The following ZFTRAF1 variants were observed in gnomAD, a reference collection of about 807,000 sequenced individuals.
ZFTRAF1 encodes the protein zinc finger TRAF-type and ring finger containing 1.
chr8:144,450,140 T>C, the ZFTRAF1 span: 1 of 511,954 alleles, frequency 2.0e-6, no homozygotes, highest in Admixed American at 3.2e-5. Flanking sequence ...CCGTCTCCTC[T>C]TCGGGTCAGC....
chr8:144,450,766 G>C, the ZFTRAF1 span: 1 of 696,074 alleles, frequency 1.4e-6, no homozygotes, highest in African/African-American at 1.8e-5. Flanking sequence ...GCCGGAACTG[G>C]ACCTCTGTGG....
At chr8:144,452,869 T>TTGG in the ZFTRAF1 span, among the ~76,000 whole-genome samples, 1 of 152,210 alleles carries the variant, frequency 6.6e-6, no homozygotes, top group Non-Finnish European at 1.5e-5. Context: ...TGCAGGAGAC[T>TTGG]TGGTGGCTGC....
chr8:144,461,544 G>C, the ZFTRAF1 span, among the ~76,000 whole-genome samples: 1 of 152,198 alleles, frequency 6.6e-6, no homozygotes, highest in Non-Finnish European at 1.5e-5. Context: ...CCGGCTCCTG[G>C]AGCACTGGCT....
At chr8:144,451,030 C>A in the ZFTRAF1 span, 1 of 463,482 alleles carries the variant, frequency 2.2e-6, no homozygotes. Context: ...TCAGGCCACA[C>A]CCCAGGCGTG....
chr8:144,460,938 A>T, the ZFTRAF1 span, among the ~76,000 whole-genome samples: 2 of 152,174 alleles, frequency 1.3e-5, no homozygotes, highest in South Asian at 4.1e-4. Flanking sequence ...AGCCAGGAAA[A>T]AGGAGCTGGA....
chr8:144,452,035 C>A, the ZFTRAF1 span: 2 of 404,434 alleles, frequency 4.9e-6, no homozygotes, highest in Middle Eastern at 6.9e-4. Flanking sequence ...TGGTTAGACC[C>A]TGACTGTCTT....
chr8:144,451,903 G>C, the ZFTRAF1 span: 2 of 246,538 alleles, frequency 8.1e-6, no homozygotes, highest in Non-Finnish European at 1.6e-5. Flanking sequence ...AGCCTTGAGA[G>C]GCCCATGGCC....
chr8:144,461,562 A>AAGCCT, the ZFTRAF1 span, among the ~76,000 whole-genome samples: 1 of 152,146 alleles, frequency 6.6e-6, no homozygotes. Flanking sequence ...GCTGCCTAGG[A>AAGCCT]AGCCTGGCCT....
At chr8:144,458,304 C>G in the ZFTRAF1 span, among the ~76,000 whole-genome samples, 1 of 152,254 alleles carries the variant, frequency 6.6e-6, no homozygotes, top group Non-Finnish European at 1.5e-5. Flanking sequence ...CTAAAAGTAA[C>G]TCAAATGATA....
At chr8:144,460,571 A>T in the ZFTRAF1 span, among the ~76,000 whole-genome samples, 1 of 152,148 alleles carries the variant, frequency 6.6e-6, no homozygotes, top group East Asian at 1.9e-4. Context: ...GGCTTGTTGG[A>T]GTCTCCCTCG....
the ZFTRAF1 span, chr8:144,462,367 G>GGCCGCCGCCGCC: frequency 4.2e-6 from 2 of 478,728 alleles, no homozygotes; most frequent in South Asian, 3.2e-5. Flanking sequence ...TCCCGCTGCC[G>GGCCGCCGCCGCC]GCCGCCGCCG....
At chr8:144,450,043 T>C in the ZFTRAF1 span, 10 of 348,022 alleles carry the variant, frequency 2.9e-5, no homozygotes, top group Non-Finnish European at 5.4e-5. Context: ...CACCGCCGCC[T>C]GACTGCACAG....
At chr8:144,450,791 G>A in the ZFTRAF1 span, 7 of 678,682 alleles carry the variant, frequency 1.0e-5, no homozygotes, top group African/African-American at 1.8e-5. Context: ...AGACAGGGCC[G>A]GAAAGAGCCG....
chr8:144,461,571 C>G, the ZFTRAF1 span, among the ~76,000 whole-genome samples: 1 of 152,148 alleles, frequency 6.6e-6, no homozygotes, highest in Non-Finnish European at 1.5e-5. Flanking sequence ...GAAGCCTGGC[C>G]TGGCCTGGGT....
At chr8:144,460,297 C>A in the ZFTRAF1 span, among the ~76,000 whole-genome samples, 1 of 152,264 alleles carries the variant, frequency 6.6e-6, no homozygotes, top group African/African-American at 2.4e-5. Context: ...CAGCTCCCTG[C>A]CTCTGGCCGC....
At chr8:144,450,369 A>T in the ZFTRAF1 span, 5 of 709,798 alleles carry the variant, frequency 7.0e-6, no homozygotes, top group South Asian at 1.5e-5. Context: ...GGACATCCTG[A>T]GGCCCCGCCC....
the ZFTRAF1 span, among the ~76,000 whole-genome samples, chr8:144,459,847 G>A: frequency 2.0e-5 from 3 of 152,346 alleles, no homozygotes; most frequent in Non-Finnish European, 2.9e-5. Context: ...CAGGAAAAGC[G>A]TTCTAGCAGG....
chr8:144,452,664 C>T, the ZFTRAF1 span: 2 of 1,223,946 alleles, frequency 1.6e-6, no homozygotes, highest in East Asian at 2.6e-5. Context: ...AGCTAAGAAC[C>T]CCTTCCTGCA....
At chr8:144,452,640 T>A in the ZFTRAF1 span, 1 of 1,392,680 alleles carries the variant, frequency 7.2e-7, no homozygotes, top group Non-Finnish European at 9.7e-7. Context: ...TGTCCTCCCA[T>A]ATGGCTTCCA....
Sources: gnomAD v4.1 joint callset for allele counts (sites outside exome capture counted in the v4.1 genomes callset) on GRCh38, gnomAD v4.1.1 for gene constraint, MANE v1.5 for transcripts, NCBI Gene and HGNC (gene_info 2026-07-23, HGNC 2026-07-21) for gene names.